The following WNT8B variants were observed in gnomAD, a reference collection of about 807,000 sequenced individuals.
WNT8B encodes protein Wnt-8b.
A neutral mutation model predicts 36.6 loss-of-function variants in WNT8B; 24 were observed. The observed-to-expected ratio is 0.66, with a 90% confidence interval of 0.48 to 0.92. WNT8B has a LOEUF of 0.92. Among genes scored for constraint, WNT8B ranks in the 40% least tolerant of loss-of-function variants. WNT8B has a pLI of 0.00. For missense variants in WNT8B, 402 were observed against 470.8 expected (o/e 0.85, Z 1.35); for synonymous variants, 199 against 189.8 (o/e 1.05, Z -0.40).
intron 1 of WNT8B, among the ~76,000 whole-genome samples, chr10:100,465,766 A>T (rs1382732976): frequency 1.3e-5 from 2 of 152,188 alleles, no homozygotes; most frequent in African/African-American, 4.8e-5. Context: ...GCAGCTTTTG[A>T]AAAACATCAT....
chr10:100,465,978 T>C (rs1410069795), intron 1 of WNT8B, among the ~76,000 whole-genome samples: 1 of 152,138 alleles, frequency 6.6e-6, no homozygotes, highest in East Asian at 1.9e-4. Context: ...AGGTGTATTT[T>C]ATGAACAATA....
intron 1 of WNT8B, among the ~76,000 whole-genome samples, chr10:100,463,444 C>T (rs746878639): frequency 3.3e-5 from 5 of 152,078 alleles, no homozygotes; most frequent in Non-Finnish European, 7.4e-5. Context: ...ATGATGGGAG[C>T]GGGGGTTCCT....
chr10:100,478,444 C>T (rs538724797), intron 1 of WNT8B, among the ~76,000 whole-genome samples: 3 of 152,216 alleles, frequency 2.0e-5, no homozygotes, highest in East Asian at 3.9e-4. Context: ...TAGTTCTCTC[C>T]CCCACTTCAT....
Position 100,483,156 on chromosome 10 carries a change from G to T in WNT8B, c.*340G>T, listed in dbSNP as rs1352300069. On this transcript the variant is annotated 3_prime_UTR_variant, in exon 6 of 6. Coordinates refer to ENST00000343737, the MANE Select transcript of WNT8B (RefSeq NM_003393.4). ...GCCTATCAAGCCTTAGGCGCTGGAA[G>T]AACCCTTCTCAGACACGCAGGACCC... The T allele has an allele frequency of 3.9e-6, 1 of 256,828 alleles. No homozygotes were observed. Among genetic ancestry groups the T allele is most frequent in the Admixed American group, 5.3e-5 (1 of 18,760 alleles). The allele number at this position is 256,828 out of a possible 1,614,324, so 15.9% of individuals were successfully genotyped here.
rs1564645734 is a variant in WNT8B at position 100,482,488 on chromosome 10, C to T, written c.728C>T (p.Thr243Ile). Residue 243 changes from threonine to isoleucine, a missense_variant, in exon 6 of 6, where the codon ACC becomes ATC. This residue lies in a region of WNT8B where 256 missense variants were observed against 278.6 expected (regional missense o/e 0.92). Transcript: ENST00000343737. This position sits in a 1 kb window ranked among gnomAD's most constrained non-coding sequence, Gnocchi z 6.6. The stretch of plus-strand genomic sequence containing the variant: ...GCCGACACCTTTCGCTCCATCTCTA[C>T]CCGGGAGCTGGTGCACCTGGAGGAC... ...AIADTFRSIS[T>I]RELVHLEDSP... 1.2e-6 allele frequency: 2 copies of T among 1,602,686 alleles called. No individual in the cohort carries two copies. The highest frequency in any genetic ancestry group is 2.2e-5 in the South Asian group (2 of 91,058).
intron 1 of WNT8B, among the ~76,000 whole-genome samples, chr10:100,477,629 T>C (rs1039784126): frequency 3.9e-5 from 6 of 152,098 alleles, no homozygotes; most frequent in Admixed American, 1.3e-4. Flanking sequence ...TTGAAGGACA[T>C]TGGGTAGTTT....
At position 100,482,329 on chromosome 10, in the gene WNT8B, C is replaced by T. The variant is rs1359628501; in HGVS notation, c.569C>T (p.Thr190Ile). 1.9e-6 allele frequency: 3 copies of T among 1,602,026 alleles called. No homozygotes were observed. Among genetic ancestry groups the T allele is most frequent in the African/African-American group, 1.3e-5 (1 of 74,892 alleles). ...CKCHGVSGSC[T>I]TQTCWLQLPE... is the part of the protein sequence containing the mutation. ...TGCCACGGCGTGTCTGGCAGCTGCA[C>T]CACGCAGACCTGTTGGCTGCAGCTG... The change falls in exon 6 of 6, where the codon ACC becomes ATC. Residue 190 changes from threonine to isoleucine, a missense_variant. Thr to Ile is a moderately conservative substitution (Grantham distance 89). Around this residue, in one of 3 missense-constraint regions of WNT8B, gnomAD observed 256 missense variants for 278.6 expected, o/e 0.92. Coordinates refer to ENST00000343737, the MANE Select transcript of WNT8B (RefSeq NM_003393.4). The surrounding 1 kb of genome is among the most constrained non-coding windows in gnomAD (Gnocchi z 6.6).
chr10:100,475,543 T>C (rs1851028256), intron 1 of WNT8B, among the ~76,000 whole-genome samples: 1 of 152,230 alleles, frequency 6.6e-6, no homozygotes. Flanking sequence ...AAGAATTCTC[T>C]AGAATCTCTG....
chr10:100,474,384 ACTGCCACATAGAGG>A (rs1325403606), intron 1 of WNT8B, among the ~76,000 whole-genome samples: 1 of 152,140 alleles, frequency 6.6e-6, no homozygotes, highest in African/African-American at 2.4e-5. Context: ...CAATCACATA[ACTGCCACATAGAGG>A]TGGCACCCAT....
chr10:100,474,393 T>C (rs1311099648), intron 1 of WNT8B, among the ~76,000 whole-genome samples: 1 of 152,194 alleles, frequency 6.6e-6, no homozygotes, highest in East Asian at 1.9e-4. Context: ...AACTGCCACA[T>C]AGAGGTGGCA....
chr10:100,472,750 T>C (rs1589723871), intron 1 of WNT8B, among the ~76,000 whole-genome samples: 1 of 152,248 alleles, frequency 6.6e-6, no homozygotes. Flanking sequence ...TTACCACTTA[T>C]GCCTAATTAC....
chr10:100,472,181 G>A (rs2133653219), intron 1 of WNT8B, among the ~76,000 whole-genome samples: 1 of 151,168 alleles, frequency 6.6e-6, no homozygotes, highest in East Asian at 2.0e-4. Context: ...CGCGATCTTG[G>A]CTCACTGCAA....
At chr10:100,466,286 T>TA (rs1286956021) in intron 1 of WNT8B, among the ~76,000 whole-genome samples, 21 of 150,312 alleles carry the variant, frequency 1.4e-4, no homozygotes, top group Middle Eastern at 3.2e-3. Flanking sequence ...CCTGATCCAT[T>TA]AAAAAAAAAG....
intron 4 of WNT8B, 31 bp from the exon 5 acceptor site, chr10:100,481,881 A>C (rs1415346725): frequency 6.2e-7 from 1 of 1,612,878 alleles, no homozygotes; most frequent in Non-Finnish European, 8.5e-7. Flanking sequence ...CCGCTTGCTC[A>C]ATGACCTGTC....
In WNT8B at chr10:100,479,936, G is replaced by T. The variant is rs746306155; in HGVS notation, c.165G>T (p.Lys55Asn). 2.5e-6 allele frequency: 4 copies of T among 1,613,880 alleles called. No homozygotes were observed. The highest frequency in any genetic ancestry group is 2.5e-6 in the Non-Finnish European group (3 of 1,179,942). Residue 55 changes from lysine (K) to asparagine (N), a missense_variant, in exon 3 of 6, where the codon AAG becomes AAT. By Grantham distance (94) the Lys-to-Asn change is moderately conservative (BLOSUM62 0). Transcript: ENST00000343737. ...CCCAGAGTGGTATTGAAGAATGCAA[G>T]TATCAGTTTGCCTGGGACCGCTGGA... is the stretch of plus-strand genomic sequence containing the variant. The part of the protein sequence containing the change: ...AGAQSGIEEC[K>N]YQFAWDRWNC...
At chr10:100,469,792 C>G (rs1850953683) in intron 1 of WNT8B, among the ~76,000 whole-genome samples, 1 of 152,210 alleles carries the variant, frequency 6.6e-6, no homozygotes, top group Non-Finnish European at 1.5e-5. Context: ...GGAACAGAGA[C>G]AGTCACAAGG....
chr10:100,480,038 C>T (rs765255258), intron 3 of WNT8B, 26 bp downstream of exon 3: 26 of 1,610,322 alleles, frequency 1.6e-5, no homozygotes, highest in Non-Finnish European at 2.1e-5. Flanking sequence ...GCCACAGCTC[C>T]CTGGACCCTC....
chr10:100,481,396 A>G (rs1851108920), intron 4 of WNT8B, among the ~76,000 whole-genome samples: 3 of 152,170 alleles, frequency 2.0e-5, no homozygotes, highest in Admixed American at 6.5e-5. Flanking sequence ...CTCAAACACA[A>G]GGGGAACTTC....
intron 1 of WNT8B, among the ~76,000 whole-genome samples, chr10:100,470,465 A>T (rs1337288102): frequency 2.0e-5 from 3 of 152,062 alleles, no homozygotes; most frequent in Admixed American, 2.0e-4. Flanking sequence ...TCCTGGGCTC[A>T]AGCAATCGGC....
Sources: allele counts gnomAD v4.1 joint callset (sites outside exome capture counted in the v4.1 genomes callset), GRCh38; gene constraint gnomAD v4.1.1; regional missense constraint gnomAD v4.1.1; non-coding constraint Gnocchi (gnomAD v3.1); transcripts MANE v1.5; gene names NCBI Gene and HGNC (gene_info 2026-07-23, HGNC 2026-07-21).